The following AFF3 variants were observed in gnomAD, a reference collection of about 807,000 sequenced individuals.
AFF3 encodes the protein AF4/FMR2 family member 3.
Under a neutral mutation model 129.7 loss-of-function variants are expected in AFF3, and 32 were observed. The observed-to-expected ratio is 0.25, with a 90% CI of 0.19 to 0.33. AFF3 has a LOEUF of 0.33. Among genes scored for constraint, AFF3 ranks in the 10% least tolerant of loss-of-function variants. The pLI, the probability that AFF3 is intolerant of heterozygous loss-of-function variation, is 1.00. For missense variants in AFF3, 1,373 were observed against 1,592.0 expected (o/e 0.86, Z 2.34); for synonymous variants, 644 against 635.4 (o/e 1.01, Z -0.20).
In AFF3 at chr2:100,008,826, T is replaced by C; in HGVS notation, c.160A>G (p.Ser54Gly). 1 of 1,614,084 alleles carries C rather than the reference T, an allele frequency of 6.2e-7. No homozygotes were observed. The change falls in exon 5 of 25, where the codon AGT becomes GGT. Residue 54 changes from serine to glycine, a missense_variant. By Grantham distance (56) the Ser-to-Gly change is moderately conservative. This residue lies in a region of AFF3 where 255 missense variants were observed against 256.0 expected (regional missense o/e 1.00). Coordinates refer to ENST00000672756, the MANE Select transcript of AFF3 (RefSeq NM_001386135.1). ...GTFNSSYSLF[S>G]EPYKTNKGDE... ...AAACCATCTACCTTGTAGGGCTCACTGAAGAGAGAGTAACTAGAATTAAAC... is the reference window on the plus strand; with the variant it reads ...AAACCATCTACCTTGTAGGGCTCACCGAAGAGAGAGTAACTAGAATTAAAC...
Position 100,008,927 on chromosome 2 carries a change from T to G in AFF3, c.59A>C (p.Tyr20Ser). 6.2e-7 allele frequency: 1 copy of G among 1,613,914 alleles called. No homozygotes were observed. The highest frequency in any genetic ancestry group is 8.5e-7 in the Non-Finnish European group (1 of 1,179,914). ...CCGTAATGCATTTCTATCTGGTTCA[T>G]AGACACTGCATCAGGAAAAAGAAGA... Reference protein sequence around the residue: ...QEWDLESLCVYEPDRNALRRK... With the variant: ...QEWDLESLCVSEPDRNALRRK... Residue 20 changes from tyrosine (Y) to serine (S), a missense_variant, in exon 5 of 25, where the codon TAT (tyrosine) becomes TCT (serine). Tyr to Ser is a moderately radical substitution (Grantham distance 144). This residue lies in a region of AFF3 where 255 missense variants were observed against 256.0 expected (regional missense o/e 1.00). Transcript: ENST00000672756.
At chr2:99,571,062 C>A (rs1190511014) in intron 18 of AFF3, among the ~76,000 whole-genome samples, 1 of 152,178 alleles carries the variant, frequency 6.6e-6, no homozygotes, top group Non-Finnish European at 1.5e-5. Flanking sequence ...TTAGTAAGGA[C>A]CATGCTGTAG....
chr2:100,028,825 G>C (rs1040120446), intron 4 of AFF3, among the ~76,000 whole-genome samples: 69 of 152,146 alleles, frequency 4.5e-4, no homozygotes, highest in Admixed American at 5.2e-4. Context: ...GAAATACAAA[G>C]TGGGCACAAC....
At chr2:100,017,140 A>C (rs1041140287) in intron 4 of AFF3, among the ~76,000 whole-genome samples, 2 of 152,092 alleles carry the variant, frequency 1.3e-5, no homozygotes, top group Admixed American at 1.3e-4. Flanking sequence ...AGAAACAGTC[A>C]ACAGTGCATA....
chr2:99,844,489 G>C (rs1189993428), intron 7 of AFF3, among the ~76,000 whole-genome samples: 2 of 133,146 alleles, frequency 1.5e-5, no homozygotes, highest in Non-Finnish European at 3.1e-5. Flanking sequence ...CCAGGCTAGA[G>C]CACAGTGGCG....
At chr2:99,727,018 T>G in intron 11 of AFF3, 59 bp downstream of exon 11, 5 of 1,439,078 alleles carry the variant, frequency 3.5e-6, no homozygotes, top group Non-Finnish European at 4.8e-6. Context: ...TTGCACTATC[T>G]CATTTTATGA....
At chr2:99,979,506 T>A (rs1341682563) in intron 7 of AFF3, among the ~76,000 whole-genome samples, 4 of 151,934 alleles carry the variant, frequency 2.6e-5, no homozygotes, top group African/African-American at 9.7e-5. Context: ...TTTTTTTTTT[T>A]AAGTTAGAAA....
intron 11 of AFF3, among the ~76,000 whole-genome samples, chr2:99,675,152 T>C: frequency 6.6e-6 from 1 of 152,196 alleles, no homozygotes; most frequent in Non-Finnish European, 1.5e-5. Context: ...ACCTCTCTTA[T>C]ATTAAAAAAA....
intron 15 of AFF3, among the ~76,000 whole-genome samples, chr2:99,589,397 AT>A (rs55888825): frequency 8.2e-4 from 85 of 103,376 alleles, no homozygotes; most frequent in South Asian, 1.4e-3. Flanking sequence ...AGATGTCAAC[AT>A]TTTTTTTTTT....
At chr2:99,619,522 T>C (rs1032372484) in intron 13 of AFF3, among the ~76,000 whole-genome samples, 4 of 152,194 alleles carry the variant, frequency 2.6e-5, no homozygotes, top group African/African-American at 7.2e-5. Flanking sequence ...GCACAGCTGA[T>C]AGACTGTGTC....
intron 11 of AFF3, among the ~76,000 whole-genome samples, chr2:99,688,088 C>T (rs934564394): frequency 2.0e-5 from 3 of 152,128 alleles, no homozygotes; most frequent in Non-Finnish European, 2.9e-5. Context: ...GTGATCCGCC[C>T]GCCTCGGCCT....
chr2:99,930,236 C>A (rs1696575494), intron 7 of AFF3, among the ~76,000 whole-genome samples: 1 of 152,184 alleles, frequency 6.6e-6, no homozygotes, highest in African/African-American at 2.4e-5. Context: ...AACCTGTTCA[C>A]AAGACAGGCA....
intron 7 of AFF3, among the ~76,000 whole-genome samples, chr2:99,874,709 T>C (rs1692153408): frequency 1.3e-5 from 2 of 152,156 alleles, no homozygotes; most frequent in Non-Finnish European, 2.9e-5. Flanking sequence ...AGAATCTTCA[T>C]TAAGAAAACT....
intron 16 of AFF3, 41 bp downstream of exon 16, chr2:99,587,113 A>C (rs770711855): frequency 6.2e-7 from 1 of 1,611,152 alleles, no homozygotes; most frequent in Non-Finnish European, 8.5e-7. Context: ...AGACCCAGAG[A>C]TCTCTCCAGC....
At chr2:99,748,289 C>G (rs79503695) in intron 9 of AFF3, among the ~76,000 whole-genome samples, 1 of 152,166 alleles carries the variant, frequency 6.6e-6, no homozygotes, top group Non-Finnish European at 1.5e-5. Flanking sequence ...GTCTCACCAG[C>G]CTTCTCTCCC....
chr2:99,782,805 G>C (rs1024529086), intron 8 of AFF3, among the ~76,000 whole-genome samples: 1 of 152,296 alleles, frequency 6.6e-6, no homozygotes, highest in East Asian at 1.9e-4. Flanking sequence ...AACACACAAA[G>C]TATTTTAAAC....
intron 7 of AFF3, among the ~76,000 whole-genome samples, chr2:99,839,697 C>T (rs1283231355): frequency 6.6e-6 from 1 of 151,706 alleles, no homozygotes; most frequent in African/African-American, 2.4e-5. Context: ...CTGCAAGCTC[C>T]GCCTCCCAGG....
chr2:100,065,637 T>C (rs1687663423), intron 4 of AFF3, among the ~76,000 whole-genome samples: 1 of 152,228 alleles, frequency 6.6e-6, no homozygotes, highest in African/African-American at 2.4e-5. Context: ...AGGATTAACA[T>C]TAAAATAATT....
At chr2:100,102,498 T>C (rs1250064467) in intron 4 of AFF3, among the ~76,000 whole-genome samples, 1 of 152,078 alleles carries the variant, frequency 6.6e-6, no homozygotes, top group Non-Finnish European at 1.5e-5. Context: ...TTTTTTAAAG[T>C]AATAAATGTA....
Sources: gnomAD v4.1 joint callset for allele counts (sites outside exome capture counted in the v4.1 genomes callset) on GRCh38, gnomAD v4.1.1 for gene constraint, gnomAD v4.1.1 regional missense constraint, MANE v1.5 for transcripts, NCBI Gene and HGNC (gene_info 2026-07-23, HGNC 2026-07-21) for gene names.